OCSTAMP: variants seen among roughly 807,000 people sequenced by gnomAD.
OCSTAMP encodes osteoclast stimulatory transmembrane protein, also known as transmembrane protein C20orf123.
OCSTAMP carries 17 observed loss-of-function variants against 25.2 expected under a neutral mutation model. The observed-to-expected ratio is 0.68, with a 90% CI of 0.46 to 1.01. OCSTAMP has a LOEUF of 1.01. Ranked by LOEUF, OCSTAMP falls within the 50% of genes least tolerant of loss-of-function variation. The probability of loss-of-function intolerance (pLI) is 0.00; values close to 1 mark genes in which losing one functional copy is unlikely to be tolerated. For missense variants in OCSTAMP, 664 were observed against 694.6 expected (o/e 0.96, Z 0.50); for synonymous variants, 345 against 318.9 (o/e 1.08, Z -0.87).
rs1329959411 is a variant in OCSTAMP at position 46,545,655 on chromosome 20, TC to T, written c.718del (p.Glu240SerfsTer10). ...TGLFMLGLLV[E>X]SAWYLHCYLT... ...GTAGCAATGGAGGTACCATGCCGAC[TC>T]CACCAGGAGGCCCAACATAAACAGC... On this transcript the variant is annotated frameshift_variant, in exon 2 of 3. Coordinates refer to ENST00000279028, the MANE Select transcript of OCSTAMP (RefSeq NM_080721.3). LOFTEE classifies it high-confidence loss of function. The T allele has an allele frequency of 6.4e-7, 1 of 1,551,580 alleles. No individual in the cohort carries two copies. The highest frequency in any genetic ancestry group is 8.7e-7 in the Non-Finnish European group (1 of 1,146,992).
intron 1 of OCSTAMP, among the ~76,000 whole-genome samples, chr20:46,546,591 G>A (rs1180376419): frequency 6.6e-6 from 1 of 152,238 alleles, no homozygotes; most frequent in Non-Finnish European, 1.5e-5. Context: ...ATGTGAGGAT[G>A]AAAGTCTGCC....
chr20:46,541,164 C>A lies in OCSTAMP; in HGVS notation c.*110G>T, dbSNP rs879920040. The stretch of plus-strand genomic sequence containing the variant: ...TTCATGATGCAAGGTCTCCATCTAA[C>A]AAGTAGAGCAGTTGGTGCAGATGAG... On this transcript the variant is annotated 3_prime_UTR_variant, in exon 3 of 3. Coordinates refer to ENST00000279028, the MANE Select transcript of OCSTAMP (RefSeq NM_080721.3). The A allele has an allele frequency of 9.6e-6, 6 of 626,878 alleles. No homozygotes were observed. In the East Asian group the frequency reaches 1.6e-4, roughly 17 times the overall value. 38.8% of individuals were successfully genotyped at this position (626,878 alleles called of 1,614,324 possible). A position where few individuals can be genotyped will look rare whatever the true frequency, so the allele number is the denominator to read the frequency against.
At chr20:46,546,974 A>G (rs1037548262) in intron 1 of OCSTAMP, among the ~76,000 whole-genome samples, 1 of 152,226 alleles carries the variant, frequency 6.6e-6, no homozygotes, top group African/African-American at 2.4e-5. Flanking sequence ...TGGGGCTTGC[A>G]CTATGTTAAG....
Position 46,545,659 on chromosome 20 carries a change from C to A in OCSTAMP, c.715G>T (p.Val239Leu). 6.4e-7 allele frequency: 1 copy of A among 1,551,728 alleles called. No homozygotes were observed. The highest frequency in any genetic ancestry group is 8.7e-7 in the Non-Finnish European group (1 of 1,146,986). Residue 239 changes from valine to leucine, a missense_variant, in exon 2 of 3, where the codon GTG (valine) becomes TTG (leucine). Val to Leu is a conservative substitution (Grantham distance 32). Coordinates refer to ENST00000279028, the MANE Select transcript of OCSTAMP (RefSeq NM_080721.3). ...CAATGGAGGTACCATGCCGACTCCA[C>A]CAGGAGGCCCAACATAAACAGCCCT... Reference protein sequence around the residue: ...VTGLFMLGLLVESAWYLHCYL... With the variant: ...VTGLFMLGLLLESAWYLHCYL...
At position 46,541,901 on chromosome 20, in the gene OCSTAMP, G is replaced by C; in HGVS notation, c.1074C>G (p.Ile358Met). Residue 358 changes from isoleucine to methionine, a missense_variant, in exon 3 of 3, where the codon ATC becomes ATG. Coordinates refer to ENST00000279028, the MANE Select transcript of OCSTAMP (RefSeq NM_080721.3). ...GAGCCAGCTGGTTGAAGAGGAAAGG[G>C]ATGAAGCCCAGGACAGTGTATGCCA... ...YDVAYTVLGF[I>M]PFLFNQLAPE... 6.8e-7 allele frequency: 1 copy of C among 1,460,792 alleles called. No individual in the cohort carries two copies. Among genetic ancestry groups the C allele is most frequent in the Non-Finnish European group, 9.0e-7 (1 of 1,110,396 alleles). The allele number at this position is 1,460,792 out of a possible 1,614,324, so 90.5% of individuals were successfully genotyped here.
chr20:46,545,871 T>G lies in OCSTAMP; in HGVS notation c.503A>C (p.His168Pro), dbSNP rs1296775281. The G allele has an allele frequency of 1.9e-6, 3 of 1,551,242 alleles. No individual in the cohort carries two copies. Among genetic ancestry groups the G allele is most frequent in the South Asian group, 1.2e-5 (1 of 84,064 alleles). The change falls in exon 2 of 3, where the codon CAT becomes CCT. Residue 168 changes from histidine (H) to proline (P), a missense_variant. Transcript: ENST00000279028. ...ESLLNTTHQL[H>P]AASRALGPTG... The stretch of plus-strand genomic sequence containing the variant: ...GGGGCCCAGAGCCCTGGATGCTGCA[T>G]GCAGCTGGTGAGTGGTATTGAGGAG...
Position 46,541,425 on chromosome 20 carries a change from G to A in OCSTAMP, c.1550C>T (p.Pro517Leu). ...AAGTGACTTACCCAAGGTCACACAG[G>A]GAGGCGGCACAGGACCAAGGTTACA... ...LSCNLGPVPP[P>L]CVTLGKSLHL... is the part of the protein sequence containing the mutation. The change falls in exon 3 of 3, where the codon CCC becomes CTC. Residue 517 changes from proline (P) to leucine (L), a missense_variant. Pro to Leu is a moderately conservative substitution (Grantham distance 98). Transcript: ENST00000279028. 7.1e-7 allele frequency: 1 copy of A among 1,409,574 alleles called. No individual in the cohort carries two copies. The highest frequency in any genetic ancestry group is 1.4e-5 in the African/African-American group (1 of 70,082). The allele number at this position is 1,409,574 out of a possible 1,614,324, so 87.3% of individuals were successfully genotyped here.
In OCSTAMP at chr20:46,546,229, G is replaced by A. The variant is rs560451801; in HGVS notation, c.145C>T (p.Leu49=). ...GAGGCACACAGGAGGAGCTGGGTCA[G>A]CAGCTGGCCACAGCTGGCTGGAACA... The part of the protein sequence containing the change: ...QPVPASCGQL[L]TQLLLCASLA... Residue 49 remains leucine (L), a synonymous_variant, in exon 2 of 3, where the codon CTG becomes TTG. Coordinates refer to ENST00000279028, the MANE Select transcript of OCSTAMP (RefSeq NM_080721.3). The A allele has an allele frequency of 3.9e-5, 60 of 1,551,556 alleles. No homozygotes were observed. In the South Asian group the frequency reaches 6.9e-4, roughly 18 times the overall value.
chr20:46,543,020 G>A (rs1313339810), intron 2 of OCSTAMP, among the ~76,000 whole-genome samples: 1 of 152,162 alleles, frequency 6.6e-6, no homozygotes, highest in Admixed American at 6.5e-5. Context: ...GGGCATCACC[G>A]GGGCTCTGGA....
At chr20:46,546,748 G>A (rs146688895) in intron 1 of OCSTAMP, among the ~76,000 whole-genome samples, 200 of 152,290 alleles carry the variant, frequency 1.3e-3, no homozygotes, top group African/African-American at 4.5e-3. Flanking sequence ...TAATAGTCTT[G>A]GTGGCTTGCT....
At chr20:46,544,416 A>G (rs1474016186) in intron 2 of OCSTAMP, among the ~76,000 whole-genome samples, 2 of 152,234 alleles carry the variant, frequency 1.3e-5, no homozygotes, top group Admixed American at 1.3e-4. Context: ...GATTTTGTGC[A>G]GTCTGAAAAG....
rs1024036876 is a variant in OCSTAMP at position 46,541,591 on chromosome 20, G to C, written c.1384C>G (p.Pro462Ala). The part of the protein sequence containing the change: ...RHDRHQGQQL[P>A]LGDPSCVPTP... ...GGGACGCAAGAAGGATCCCCTAGGG[G>C]CAGCTGCTGGCCTTGGTGCCTGTCG... The change falls in exon 3 of 3, where the codon CCC (proline) becomes GCC (alanine). Residue 462 changes from proline to alanine, a missense_variant. Coordinates refer to ENST00000279028, the MANE Select transcript of OCSTAMP (RefSeq NM_080721.3). The C allele has an allele frequency of 7.7e-6, 12 of 1,551,540 alleles. No individual in the cohort carries two copies. In the African/African-American group the frequency reaches 1.6e-4, roughly 21 times the overall value.
chr20:46,544,026 T>C (rs908121567), intron 2 of OCSTAMP, among the ~76,000 whole-genome samples: 8 of 152,126 alleles, frequency 5.3e-5, no homozygotes, highest in Admixed American at 2.6e-4. Context: ...CTGAGCCACA[T>C]AGTGGGACAC....
intron 1 of OCSTAMP, among the ~76,000 whole-genome samples, chr20:46,549,850 T>C (rs2061865173): frequency 3.7e-5 from 2 of 54,102 alleles, no homozygotes; most frequent in Admixed American, 3.7e-4. Context: ...CATTTGGAAA[T>C]AAGGAAGTTT....
In OCSTAMP at chr20:46,547,805, T is replaced by C. The variant is rs887253116; in HGVS notation, c.45-1476A>G. The stretch of plus-strand genomic sequence containing the variant: ...GGGAGATGAAGCAGTGGCTGGTAGC[T>C]ATGGGAAATTGGACCAAGAGAATTC... On this transcript the variant is annotated intron_variant, in intron 1 of 2. Coordinates refer to ENST00000279028, the MANE Select transcript of OCSTAMP (RefSeq NM_080721.3). Among the ~76,000 whole-genome samples, 12 of 152,164 alleles carry C rather than the reference T, an allele frequency of 7.9e-5. 1 individual carries two copies. The highest frequency in any genetic ancestry group is 7.9e-4 in the Admixed American group (12 of 15,264).
rs1332725931 is a variant in OCSTAMP at position 46,546,022 on chromosome 20, C to T, written c.352G>A (p.Gly118Ser). 6.4e-6 allele frequency: 10 copies of T among 1,551,322 alleles called. 1 individual carries two copies. The highest frequency in any genetic ancestry group is 8.7e-6 in the Non-Finnish European group (10 of 1,146,984). ...CTGTAGGACAGGAGCAGCCGGCGGC[C>T]CTGCTCCATACCCAGGGTGGGCACG... ...LSVPTLGMEQGRRLLLSYSTA... is the reference protein window; with the variant it reads ...LSVPTLGMEQSRRLLLSYSTA... Residue 118 changes from glycine (G) to serine (S), a missense_variant, in exon 2 of 3, where the codon GGC (glycine) becomes AGC (serine). Coordinates refer to ENST00000279028, the MANE Select transcript of OCSTAMP (RefSeq NM_080721.3).
Position 46,550,522 on chromosome 20 carries a change from C to G in OCSTAMP, c.39G>C (p.Lys13Asn), listed in dbSNP as rs773629409. ...GHPGAAEQLVKTGWRSWHLGF... is the reference protein window; with the variant it reads ...GHPGAAEQLVNTGWRSWHLGF... The stretch of plus-strand genomic sequence containing the variant: ...TCCAAAGTCCCCAGACCTACCCGGT[C>G]TTGACAAGTTGCTCAGCTGCTCCTG... Residue 13 changes from lysine (K) to asparagine (N), a missense_variant, in exon 1 of 3, where the codon AAG becomes AAC. Lys to Asn is a moderately conservative substitution (Grantham distance 94, BLOSUM62 0). Transcript: ENST00000279028. 4.5e-6 allele frequency: 7 copies of G among 1,551,718 alleles called. No individual in the cohort carries two copies. The highest frequency in any genetic ancestry group is 5.2e-6 in the Non-Finnish European group (6 of 1,146,972).
chr20:46,548,599 A>G (rs937451606), intron 1 of OCSTAMP, among the ~76,000 whole-genome samples: 2 of 152,208 alleles, frequency 1.3e-5, no homozygotes, highest in Admixed American at 6.5e-5. Context: ...GTGCTGGGCA[A>G]CACTGAGGCC....
intron 2 of OCSTAMP, among the ~76,000 whole-genome samples, chr20:46,542,498 T>C (rs1360827562): frequency 4.0e-5 from 6 of 148,784 alleles, no homozygotes; most frequent in Non-Finnish European, 5.9e-5. Flanking sequence ...GGAGAATAGC[T>C]TGAGCCCGAG....
Sources: allele counts gnomAD v4.1 joint callset (sites outside exome capture counted in the v4.1 genomes callset), GRCh38; gene constraint gnomAD v4.1.1; transcripts MANE v1.5; gene names NCBI Gene and HGNC (gene_info 2026-07-23, HGNC 2026-07-21).